DDX60: variants seen among roughly 807,000 people sequenced by gnomAD.
DDX60 encodes the protein DExD/H-box helicase 60.
A neutral mutation model predicts 212.8 loss-of-function variants in DDX60; 165 were observed. The ratio of observed to expected loss-of-function variants is 0.78; its 90% confidence interval spans 0.68 to 0.88. The LOEUF (loss-of-function observed/expected upper bound fraction) is 0.88. Ranked by LOEUF, DDX60 falls within the 40% of genes least tolerant of loss-of-function variation. The pLI, the probability that DDX60 is intolerant of heterozygous loss-of-function variation, is 0.00. For synonymous variants in DDX60, 703 were observed against 685.3 expected, an observed-to-expected ratio of 1.03 and a Z score of -0.40; for missense variants, 1,905 against 2,003.9, an observed-to-expected ratio of 0.95 and a Z score of 0.94.
chr4:168,272,041 A>T lies in DDX60; in HGVS notation c.2670+2T>A. ...TAAGCAAAGAAAGAACACCAAACCT[A>T]CCTCATCAAATATAACATATCTGAT... is the stretch of plus-strand genomic sequence containing the variant. On this transcript the variant is annotated splice_donor_variant, in intron 19 of 37. Coordinates refer to ENST00000393743, the MANE Select transcript of DDX60 (RefSeq NM_017631.6). LOFTEE classifies it high-confidence loss of function. 6.4e-7 allele frequency: 1 copy of T among 1,571,662 alleles called. No individual in the cohort carries two copies. Among genetic ancestry groups the T allele is most frequent in the Non-Finnish European group, 8.7e-7 (1 of 1,155,474 alleles).
chr4:168,226,594 A>G (rs574948371), intron 33 of DDX60, among the ~76,000 whole-genome samples: 1 of 152,260 alleles, frequency 6.6e-6, no homozygotes, highest in Admixed American at 6.6e-5. Context: ...CGATGCAGGC[A>G]TGTAATGCAT....
At chr4:168,265,090 G>C (rs1221410252) in intron 22 of DDX60, among the ~76,000 whole-genome samples, 1 of 152,124 alleles carries the variant, frequency 6.6e-6, no homozygotes, top group Non-Finnish European at 1.5e-5. Flanking sequence ...TTCCTGTGTG[G>C]CATGAAAATT....
chr4:168,284,979 A>G, intron 11 of DDX60, 44 bp from the exon 12 acceptor site: 3 of 933,432 alleles, frequency 3.2e-6, no homozygotes, highest in Non-Finnish European at 1.7e-6. Context: ...ACACTTCCAA[A>G]TATAACACAG....
At chr4:168,236,202 C>G in intron 33 of DDX60, 50 bp downstream of exon 33, 1 of 1,553,378 alleles carries the variant, frequency 6.4e-7, no homozygotes, top group Non-Finnish European at 8.8e-7. Flanking sequence ...TAGGTAAGAT[C>G]TATTTAGTGG....
intron 6 of DDX60, among the ~76,000 whole-genome samples, chr4:168,297,271 A>G (rs1468842349): frequency 2.6e-4 from 35 of 133,386 alleles, no homozygotes; most frequent in African/African-American, 1.2e-3. Flanking sequence ...AAGAAAGAAA[A>G]AGAAAGAAAG....
At chr4:168,306,001 A>G (rs959150572) in intron 5 of DDX60, among the ~76,000 whole-genome samples, 2 of 152,190 alleles carry the variant, frequency 1.3e-5, no homozygotes, top group Admixed American at 1.3e-4. Context: ...AGTTAAGGAC[A>G]CAGGGGCTTG....
chr4:168,261,328 C>CA (rs1291013062), intron 24 of DDX60, among the ~76,000 whole-genome samples: 1 of 151,878 alleles, frequency 6.6e-6, no homozygotes, highest in African/African-American at 2.4e-5. Context: ...TACATTATGT[C>CA]AAAAAATCAC....
intron 19 of DDX60, among the ~76,000 whole-genome samples, chr4:168,270,864 T>C (rs1425194083): frequency 1.5e-5 from 2 of 135,554 alleles, no homozygotes; most frequent in Non-Finnish European, 3.1e-5. Context: ...CCCCCTTTTT[T>C]TTCTTTCTTT....
intron 33 of DDX60, among the ~76,000 whole-genome samples, chr4:168,235,114 G>A (rs1353423874): frequency 2.0e-5 from 3 of 152,020 alleles, no homozygotes; most frequent in Non-Finnish European, 4.4e-5. Flanking sequence ...GGCAGACCCA[G>A]ATCCTTTTCT....
intron 22 of DDX60, among the ~76,000 whole-genome samples, chr4:168,266,093 C>T (rs1357335722): frequency 6.6e-6 from 1 of 152,146 alleles, no homozygotes; most frequent in East Asian, 1.9e-4. Context: ...CATCAGCCAG[C>T]TTGCTTTTAG....
chr4:168,274,233 A>G (rs1011258009), intron 16 of DDX60, 150 bp from the exon 17 acceptor site: 4 of 950,832 alleles, frequency 4.2e-6, no homozygotes, highest in Non-Finnish European at 6.0e-6. Context: ...CTCAGAAGAG[A>G]TCATTTTTAT....
chr4:168,250,794 G>A (rs906452689), intron 28 of DDX60, among the ~76,000 whole-genome samples, 160 bp downstream of exon 28: 7 of 151,776 alleles, frequency 4.6e-5, no homozygotes, highest in Non-Finnish European at 1.0e-4. Flanking sequence ...CAAAGTGCTG[G>A]TATTATAGGT....
At chr4:168,249,098 T>C (rs963307703) in intron 28 of DDX60, among the ~76,000 whole-genome samples, 1 of 152,142 alleles carries the variant, frequency 6.6e-6, no homozygotes, top group Non-Finnish European at 1.5e-5. Flanking sequence ...AAAGAAAATT[T>C]TTTATGATAG....
chr4:168,265,835 A>AGGAAG lies in DDX60; in HGVS notation c.3039+1742_3039+1746dup, dbSNP rs138501508. Among the ~76,000 whole-genome samples, 567 of 89,174 alleles carry AGGAAG rather than the reference A, an allele frequency of 6.4e-3. 5 individuals carry two copies. The highest frequency in any genetic ancestry group is 0.048 in the East Asian group (133 of 2,750). 58.5% of individuals were successfully genotyped at this position (89,174 alleles called of 152,430 possible). On this transcript the variant is annotated intron_variant, in intron 22 of 37. Coordinates refer to ENST00000393743, the MANE Select transcript of DDX60 (RefSeq NM_017631.6). ...AGGGAGGGAAGGAGGGAAGGAGGGA[A>AGGAAG]GGAAGGGAAGGGAAGGGAAGGGAAG...
intron 19 of DDX60, among the ~76,000 whole-genome samples, chr4:168,269,495 G>C (rs189827706): frequency 2.3e-3 from 343 of 152,166 alleles, no homozygotes; most frequent in African/African-American, 7.3e-3. Context: ...CAGCTACTTC[G>C]GAGGCTGAGG....
At chr4:168,266,266 C>A (rs557210764) in intron 22 of DDX60, among the ~76,000 whole-genome samples, 1 of 152,090 alleles carries the variant, frequency 6.6e-6, no homozygotes, top group Non-Finnish European at 1.5e-5. Context: ...GGTTTAAAAA[C>A]GTAGAATTTT....
chr4:168,228,109 G>C (rs1448990470), intron 33 of DDX60, among the ~76,000 whole-genome samples: 1 of 152,050 alleles, frequency 6.6e-6, no homozygotes, highest in Non-Finnish European at 1.5e-5. Flanking sequence ...ACAGCCTATT[G>C]GTCCTAGGCT....
intron 18 of DDX60, among the ~76,000 whole-genome samples, chr4:168,272,608 CAG>C (rs1450316259): frequency 6.6e-6 from 1 of 152,190 alleles, no homozygotes; most frequent in Non-Finnish European, 1.5e-5. Context: ...GGACTGCTGT[CAG>C]AGTTGTTCCA....
intron 19 of DDX60, among the ~76,000 whole-genome samples, chr4:168,271,079 C>T (rs1198231855): frequency 2.0e-5 from 3 of 151,774 alleles, no homozygotes; most frequent in Admixed American, 6.6e-5. Context: ...GGTTTCACCA[C>T]GTTGGCCAGG....
Sources: allele counts gnomAD v4.1 joint callset (sites outside exome capture counted in the v4.1 genomes callset), GRCh38; gene constraint gnomAD v4.1.1; transcripts MANE v1.5; gene names NCBI Gene and HGNC (gene_info 2026-07-23, HGNC 2026-07-21).